The following ZNF599 variants were observed in gnomAD, a reference collection of about 807,000 sequenced individuals.
The protein encoded by ZNF599 is zinc finger protein 599.
A neutral mutation model predicts 11.7 loss-of-function variants in ZNF599; 10 were observed. The observed-to-expected ratio is 0.86, with a 90% confidence interval of 0.53 to 1.45. The LOEUF (loss-of-function observed/expected upper bound fraction) is 1.45. Ranked by LOEUF, ZNF599 falls within the 40% of genes most tolerant of loss-of-function variation. ZNF599 has a pLI of 0.00. For synonymous variants in ZNF599, 232 were observed against 253.2 expected (o/e 0.92, Z 0.79); for missense variants, 688 against 713.6 (o/e 0.96, Z 0.41).
chr19:34,792,080 T>C, the ZNF599 span, among the ~76,000 whole-genome samples: 1 of 152,050 alleles, frequency 6.6e-6, no homozygotes, highest in Non-Finnish European at 1.5e-5. Context: ...ACAAAAACTA[T>C]CCTTGAGCCA....
At chr19:34,760,807 C>G (rs2069108548) in intron 3 of ZNF599, among the ~76,000 whole-genome samples, 1 of 152,168 alleles carries the variant, frequency 6.6e-6, no homozygotes, top group Non-Finnish European at 1.5e-5. Flanking sequence ...GCTCCTCACT[C>G]TCCCAAATGA....
At chr19:34,764,853 T>C (rs2069132302) in intron 3 of ZNF599, 1 of 152,136 alleles carries the variant, frequency 6.6e-6, no homozygotes, top group Non-Finnish European at 1.5e-5. Context: ...TTTATAGAAA[T>C]GAAACTTTAT....
the ZNF599 span, among the ~76,000 whole-genome samples, chr19:34,792,508 A>G: frequency 6.6e-6 from 1 of 152,118 alleles, no homozygotes; most frequent in African/African-American, 2.4e-5. Flanking sequence ...GGTGCAAGTG[A>G]GGTAAAGGGA....
the ZNF599 span, among the ~76,000 whole-genome samples, chr19:34,787,566 T>G: frequency 6.6e-6 from 1 of 152,182 alleles, no homozygotes; most frequent in Non-Finnish European, 1.5e-5. Context: ...CTGGCCAAAG[T>G]GGAGAGTGGA....
the ZNF599 span, among the ~76,000 whole-genome samples, chr19:34,806,437 AC>A: frequency 6.6e-6 from 1 of 152,138 alleles, no homozygotes; most frequent in Non-Finnish European, 1.5e-5. Flanking sequence ...TCAGTTCACA[AC>A]CCTGCATGGC....
At chr19:34,771,138 G>A (rs1017112118) in intron 1 of ZNF599, among the ~76,000 whole-genome samples, 7 of 152,148 alleles carry the variant, frequency 4.6e-5, no homozygotes, top group African/African-American at 1.4e-4. Flanking sequence ...GCTGGGTGTG[G>A]TGGCACACAC....
the ZNF599 span, among the ~76,000 whole-genome samples, chr19:34,791,432 T>A: frequency 6.6e-6 from 1 of 151,320 alleles, no homozygotes; most frequent in South Asian, 2.1e-4. Context: ...GGATCTTGAA[T>A]GAGGAAAAGA....
At chr19:34,787,309 ATGTCCCTTT>A in the ZNF599 span, among the ~76,000 whole-genome samples, 1 of 152,116 alleles carries the variant, frequency 6.6e-6, no homozygotes, top group South Asian at 2.1e-4. Context: ...GGCAAACGAA[ATGTCCCTTT>A]TGCTGGGTCA....
rs1044677275 is a variant in ZNF599, at chr19:34,772,865, C to A, written c.-24G>T. 4 of 1,450,806 alleles carry A rather than the reference C, an allele frequency of 2.8e-6. No individual in the cohort carries two copies. The highest frequency in any genetic ancestry group is 1.8e-6 in the Non-Finnish European group (2 of 1,106,448). 89.9% of individuals were successfully genotyped at this position (1,450,806 alleles called of 1,614,324 possible). A position where few individuals can be genotyped will look rare whatever the true frequency, so the allele number is the denominator to read the frequency against. On this transcript the variant is annotated 5_prime_UTR_variant, in exon 1 of 4. Coordinates refer to ENST00000329285, the MANE Select transcript of ZNF599 (RefSeq NM_001007248.3). ...ATGGGCCCAGGGGGCTGGGTGAGGC[C>A]GTGAGAGTCGGCGAGGAAGCCGGTC...
the ZNF599 span, among the ~76,000 whole-genome samples, chr19:34,806,096 G>A: frequency 6.6e-6 from 1 of 152,096 alleles, no homozygotes; most frequent in African/African-American, 2.4e-5. Flanking sequence ...GGACCAGTGA[G>A]GGCTCACTCA....
rs747644182 is a variant in ZNF599 at position 34,760,059 on chromosome 19, G to A, written c.742C>T (p.Leu248Phe). 1.9e-6 allele frequency: 3 copies of A among 1,613,684 alleles called. No individual in the cohort carries two copies. In the East Asian group the frequency reaches 6.7e-5, roughly 36 times the overall value. Residue 248 changes from leucine (L) to phenylalanine (F), a missense_variant, in exon 4 of 4, where the codon CTT (leucine) becomes TTT (phenylalanine). By Grantham distance (22) the Leu-to-Phe change is conservative (BLOSUM62 0). Transcript: ENST00000329285. Reference protein sequence around the residue: ...YMADVIRHMRLHTGEKPYKCI... With the variant: ...YMADVIRHMRFHTGEKPYKCI... ...TTGTATGGTTTTTCCCCAGTATGAA[G>A]CCTCATATGTCGAATGACATCAGCC... is the stretch of plus-strand genomic sequence containing the variant.
the ZNF599 span, among the ~76,000 whole-genome samples, chr19:34,798,176 A>C: frequency 6.6e-6 from 1 of 152,266 alleles, no homozygotes; most frequent in African/African-American, 2.4e-5. Context: ...TACAATAATC[A>C]GGAGCATTTC....
chr19:34,789,012 C>T, the ZNF599 span, among the ~76,000 whole-genome samples: 1 of 152,188 alleles, frequency 6.6e-6, no homozygotes, highest in African/African-American at 2.4e-5. Context: ...TAACTATATT[C>T]ACCATGTTGT....
intron 2 of ZNF599, among the ~76,000 whole-genome samples, chr19:34,768,006 G>T (rs1321468197): frequency 6.6e-6 from 1 of 152,206 alleles, no homozygotes; most frequent in Non-Finnish European, 1.5e-5. Context: ...CACACATTTT[G>T]CCAACTGTGA....
the ZNF599 span, among the ~76,000 whole-genome samples, chr19:34,793,030 T>C: frequency 6.6e-6 from 1 of 152,050 alleles, no homozygotes; most frequent in Non-Finnish European, 1.5e-5. Context: ...TGACGCCTTT[T>C]GGGGGAACTG....
chr19:34,765,763 T>A, intron 3 of ZNF599: 1 of 684,478 alleles, frequency 1.5e-6, no homozygotes, highest in South Asian at 1.6e-5. Context: ...GAGGCGGTGA[T>A]ACATGGAACA....
intron 3 of ZNF599, among the ~76,000 whole-genome samples, chr19:34,766,229 C>T (rs1416431879): frequency 1.3e-5 from 2 of 152,098 alleles, no homozygotes; most frequent in East Asian, 1.9e-4. Context: ...CACAAATCCA[C>T]CTGCTTGATG....
At position 34,759,426 on chromosome 19, in the gene ZNF599, C is replaced by A; in HGVS notation, c.1375G>T (p.Ala459Ser). ...KPYECSECGK[A>S]FTHHSVFIRH... ...ATAAAAACAGAGTGGTGTGTAAAAG[C>A]CTTTCCACATTCACTGCACTCATAA... The change falls in exon 4 of 4, where the codon GCT becomes TCT. Residue 459 changes from alanine to serine, a missense_variant. Physicochemically the swap from Ala to Ser is moderately conservative, Grantham distance 99 (BLOSUM62 1). Coordinates refer to ENST00000329285, the MANE Select transcript of ZNF599 (RefSeq NM_001007248.3). The A allele has an allele frequency of 1.2e-6, 2 of 1,614,044 alleles. No individual in the cohort carries two copies. The highest frequency in any genetic ancestry group is 1.3e-5 in the African/African-American group (1 of 75,020).
intron 3 of ZNF599, chr19:34,765,461 A>G (rs920879254): frequency 1.7e-5 from 11 of 661,466 alleles, no homozygotes; most frequent in Non-Finnish European, 2.8e-5. Flanking sequence ...CTGGACTCCC[A>G]ATCCATAGGT....
Sources: gnomAD v4.1 joint callset for allele counts (sites outside exome capture counted in the v4.1 genomes callset) on GRCh38, gnomAD v4.1.1 for gene constraint, MANE v1.5 for transcripts, NCBI Gene and HGNC (gene_info 2026-07-23, HGNC 2026-07-21) for gene names.